Variants in GALNT13 observed in about 807,000 individuals in gnomAD.
The protein encoded by GALNT13 is polypeptide N-acetylgalactosaminyltransferase 13, also known as UDP-GalNAc:polypeptide N-acetylgalactosaminyltransferase 13.
A neutral mutation model predicts 64.2 loss-of-function variants in GALNT13; 28 were observed. The observed-to-expected ratio is 0.44, with a 90% CI of 0.32 to 0.60. The LOEUF (loss-of-function observed/expected upper bound fraction) is 0.60. Among genes scored for constraint, GALNT13 ranks in the 20% least tolerant of loss-of-function variants. The pLI is 0.05. For synonymous variants in GALNT13, 214 were observed against 224.6 expected, an observed-to-expected ratio of 0.95 and a Z score of 0.42; for missense variants, 577 against 669.8, an observed-to-expected ratio of 0.86 and a Z score of 1.53.
the GALNT13 span, among the ~76,000 whole-genome samples, chr2:153,074,733 T>C: frequency 1.3e-5 from 2 of 152,186 alleles, no homozygotes; most frequent in African/African-American, 4.8e-5. Flanking sequence ...TTTGTTATAA[T>C]AGTGATTATT....
chr2:153,896,775 T>C (rs1687922544), intron 1 of GALNT13, among the ~76,000 whole-genome samples: 2 of 152,150 alleles, frequency 1.3e-5, no homozygotes, highest in South Asian at 4.1e-4. Flanking sequence ...TCTGTTGTTC[T>C]CTTCTTAAAA....
chr2:154,045,917 C>G (rs1053218302), intron 3 of GALNT13, among the ~76,000 whole-genome samples: 1 of 150,662 alleles, frequency 6.6e-6, no homozygotes, highest in African/African-American at 2.4e-5. Flanking sequence ...CTTTTTCTTT[C>G]TCTGTCTAGT....
chr2:153,276,593 C>T, the GALNT13 span, among the ~76,000 whole-genome samples: 1 of 151,978 alleles, frequency 6.6e-6, no homozygotes, highest in East Asian at 1.9e-4. Context: ...TCATGTTTTC[C>T]TGTTCTGTTA....
At chr2:153,380,348 C>G in the GALNT13 span, among the ~76,000 whole-genome samples, 2 of 152,064 alleles carry the variant, frequency 1.3e-5, no homozygotes, top group South Asian at 4.1e-4. Context: ...GTGATGCATG[C>G]TTGTAGTCCC....
At chr2:153,978,141 G>A (rs1694199556) in intron 3 of GALNT13, among the ~76,000 whole-genome samples, 1 of 152,192 alleles carries the variant, frequency 6.6e-6, no homozygotes, top group South Asian at 2.1e-4. Flanking sequence ...ATTTCTCAGA[G>A]ATAAGAAGAT....
At chr2:154,090,285 A>C (rs1416815557) in intron 3 of GALNT13, among the ~76,000 whole-genome samples, 3 of 152,096 alleles carry the variant, frequency 2.0e-5, no homozygotes, top group Non-Finnish European at 4.4e-5. Context: ...AGTCTACATC[A>C]TTCTATGGTT....
At chr2:153,335,191 T>C in the GALNT13 span, among the ~76,000 whole-genome samples, 1 of 152,212 alleles carries the variant, frequency 6.6e-6, no homozygotes, top group Non-Finnish European at 1.5e-5. Context: ...TCCAGTTGTC[T>C]TTATCAGCAG....
intron 8 of GALNT13, among the ~76,000 whole-genome samples, chr2:154,292,432 A>G (rs943192286): frequency 1.3e-5 from 2 of 152,218 alleles, no homozygotes; most frequent in African/African-American, 4.8e-5. Flanking sequence ...TCATTTACTC[A>G]ATTCCAATTC....
At chr2:153,090,866 T>C in the GALNT13 span, among the ~76,000 whole-genome samples, 2 of 152,096 alleles carry the variant, frequency 1.3e-5, no homozygotes, top group African/African-American at 2.4e-5. Flanking sequence ...TGGCTACCTC[T>C]GCTGTTTCAT....
intron 10 of GALNT13, among the ~76,000 whole-genome samples, chr2:154,401,802 G>A (rs1410828161): frequency 6.6e-6 from 1 of 152,058 alleles, no homozygotes; most frequent in Non-Finnish European, 1.5e-5. Flanking sequence ...CTTTTGGGGG[G>A]AAGGGATTTC....
the GALNT13 span, among the ~76,000 whole-genome samples, chr2:153,708,329 T>G: frequency 6.6e-6 from 1 of 152,144 alleles, no homozygotes; most frequent in African/African-American, 2.4e-5. Context: ...GCAATTCTAC[T>G]TCTGTGGAGT....
chr2:153,599,302 T>C, the GALNT13 span, among the ~76,000 whole-genome samples: 1 of 152,054 alleles, frequency 6.6e-6, no homozygotes, highest in African/African-American at 2.4e-5. Context: ...TAGCTATAGT[T>C]ACCCTACTGA....
At chr2:153,223,812 C>G in the GALNT13 span, among the ~76,000 whole-genome samples, 7 of 151,596 alleles carry the variant, frequency 4.6e-5, no homozygotes, top group Admixed American at 2.6e-4. Context: ...AAAAGAAAAA[C>G]TACAAAAATT....
chr2:154,051,085 G>T (rs1699578574), intron 3 of GALNT13, among the ~76,000 whole-genome samples: 2 of 143,966 alleles, frequency 1.4e-5, no homozygotes, highest in Non-Finnish European at 3.2e-5. Context: ...AGTGGTAGTT[G>T]TAACTCTCAG....
chr2:154,140,188 G>A, intron 3 of GALNT13, 149 bp from the exon 4 acceptor site: 1 of 551,024 alleles, frequency 1.8e-6, no homozygotes, highest in Non-Finnish European at 3.2e-6. Flanking sequence ...CAGAGTGTGT[G>A]GTTTATAATC....
chr2:153,895,499 G>A (rs9636327), intron 1 of GALNT13, among the ~76,000 whole-genome samples: 37,214 of 151,852 alleles, frequency 0.25, 6,137 homozygotes, highest in East Asian at 0.76. Context: ...AAGACATTTT[G>A]AAAGGTAATT....
chr2:153,450,566 C>T, the GALNT13 span, among the ~76,000 whole-genome samples: 1 of 124,278 alleles, frequency 8.0e-6, no homozygotes, highest in Non-Finnish European at 1.7e-5. Flanking sequence ...GTCCTATACC[C>T]CTAGGTTTGA....
chr2:153,561,672 G>T, the GALNT13 span, among the ~76,000 whole-genome samples: 15 of 129,948 alleles, frequency 1.2e-4, no homozygotes, highest in Non-Finnish European at 2.1e-4. Context: ...TGTGTGTGGT[G>T]TGTATTAATC....
chr2:153,857,473 G>C, the GALNT13 span, among the ~76,000 whole-genome samples: 1 of 152,108 alleles, frequency 6.6e-6, no homozygotes, highest in Admixed American at 6.6e-5. Flanking sequence ...GGAAAATGGG[G>C]CAGGAGAACC....
Sources: allele counts gnomAD v4.1 joint callset (sites outside exome capture counted in the v4.1 genomes callset), GRCh38; gene constraint gnomAD v4.1.1; transcripts MANE v1.5; gene names NCBI Gene and HGNC (gene_info 2026-07-23, HGNC 2026-07-21).